The following PPP2R2A variants were observed in gnomAD, a reference collection of about 807,000 sequenced individuals.
PPP2R2A encodes serine/threonine-protein phosphatase 2A 55 kDa regulatory subunit B alpha isoform.
Under a neutral mutation model 53.2 loss-of-function variants are expected in PPP2R2A, and 9 were observed. The observed-to-expected ratio is 0.17, with a 90% CI of 0.10 to 0.30. The LOEUF (loss-of-function observed/expected upper bound fraction) is 0.30. PPP2R2A is among the 10% of genes least tolerant of loss of function. PPP2R2A has a pLI of 1.00. For missense variants in PPP2R2A, 235 were observed against 534.6 expected (o/e 0.44, Z 5.53); for synonymous variants, 169 against 174.2 (o/e 0.97, Z 0.23).
chr8:26,322,054 C>T (rs1802867518), intron 2 of PPP2R2A, among the ~76,000 whole-genome samples: 1 of 152,036 alleles, frequency 6.6e-6, no homozygotes, highest in South Asian at 2.1e-4. Flanking sequence ...AGAAGTTGAC[C>T]AGTATGAGCA....
chr8:26,311,847 C>T (rs1357107644), intron 2 of PPP2R2A, among the ~76,000 whole-genome samples: 1 of 151,876 alleles, frequency 6.6e-6, no homozygotes. Flanking sequence ...TGGGGTGCAC[C>T]TAGAACATGC....
chr8:26,329,096 A>G (rs1040697763), intron 2 of PPP2R2A, among the ~76,000 whole-genome samples: 5 of 152,142 alleles, frequency 3.3e-5, no homozygotes, highest in Non-Finnish European at 5.9e-5. Flanking sequence ...AGATTCCTAT[A>G]AAACTTTTTA....
chr8:26,319,391 T>C (rs1802720193), intron 2 of PPP2R2A, among the ~76,000 whole-genome samples: 1 of 152,164 alleles, frequency 6.6e-6, no homozygotes, highest in Non-Finnish European at 1.5e-5. Flanking sequence ...TCATACTGTT[T>C]TCCATAGTGG....
chr8:26,313,791 A>G (rs925784545), intron 2 of PPP2R2A, among the ~76,000 whole-genome samples: 9 of 152,226 alleles, frequency 5.9e-5, no homozygotes, highest in African/African-American at 2.2e-4. Flanking sequence ...AGGCAAGAAA[A>G]TGGATTCTCC....
chr8:26,363,114 G>A, intron 7 of PPP2R2A: 1 of 273,164 alleles, frequency 3.7e-6, no homozygotes, highest in Non-Finnish European at 6.9e-6. Context: ...GTTGGGCTCT[G>A]TAACCTTGTA....
Position 26,362,023 on chromosome 8 carries a change from A to ATTAATCTTAAAATTAGAT in PPP2R2A, c.638-658_638-657insATCTTAAAATTAGATTTA, listed in dbSNP as rs1051550188. Among the ~76,000 whole-genome samples the ATTAATCTTAAAATTAGAT allele has an allele frequency of 7.1e-6, 1 of 140,826 alleles. No homozygotes were observed. The highest frequency in any genetic ancestry group is 7.1e-5 in the Admixed American group (1 of 14,122). 92.4% of individuals were successfully genotyped at this position (140,826 alleles called of 152,430 possible). A position where few individuals can be genotyped will look rare whatever the true frequency, so the allele number is the denominator to read the frequency against. On this transcript the variant is annotated intron_variant, in intron 6 of 9. Coordinates refer to ENST00000380737, the MANE Select transcript of PPP2R2A (RefSeq NM_002717.4). This position sits in a 1 kb window ranked among gnomAD's most constrained non-coding sequence, Gnocchi z 4.4. The stretch of plus-strand genomic sequence containing the variant: ...TAATTGATATTAAGATTAGATTAAG[A>ATTAATCTTAAAATTAGAT]TTAGATTAAGATTAATCTTAAGATT...
At chr8:26,318,121 G>A (rs184564751) in intron 2 of PPP2R2A, among the ~76,000 whole-genome samples, 18 of 152,232 alleles carry the variant, frequency 1.2e-4, no homozygotes, top group African/African-American at 4.3e-4. Context: ...ATTACTAAAG[G>A]AGAAAGGGGG....
chr8:26,352,940 C>T (rs889517842), intron 3 of PPP2R2A, among the ~76,000 whole-genome samples: 2 of 152,096 alleles, frequency 1.3e-5, no homozygotes, highest in Non-Finnish European at 2.9e-5. Context: ...TCCCTCTACG[C>T]CCTAGTGTAC....
chr8:26,298,287 C>A (rs1293856445), intron 2 of PPP2R2A, among the ~76,000 whole-genome samples: 1 of 152,204 alleles, frequency 6.6e-6, no homozygotes, highest in Non-Finnish European at 1.5e-5. Flanking sequence ...CAGTCCCCTA[C>A]CTCCCCACTC....
chr8:26,354,646 A>G lies in PPP2R2A; in HGVS notation c.346+13A>G, dbSNP rs751015272. On this transcript the variant is annotated intron_variant, in intron 4 of 9. Transcript: ENST00000380737. This position sits in a 1 kb window ranked among gnomAD's most constrained non-coding sequence, Gnocchi z 4.6. ...TTGTCTACCAATGGTAAGTATACAT[A>G]TTTTCTTTCCATGTGCCCACTGTGT... 2 of 1,572,376 alleles carry G rather than the reference A, an allele frequency of 1.3e-6. No homozygotes were observed. The highest frequency in any genetic ancestry group is 2.4e-5 in the South Asian group (2 of 84,136).
chr8:26,307,560 C>G (rs919438353), intron 2 of PPP2R2A, among the ~76,000 whole-genome samples: 2 of 152,124 alleles, frequency 1.3e-5, no homozygotes, highest in African/African-American at 2.4e-5. Context: ...CCTTAAAATG[C>G]CAAAATGTCA....
intron 3 of PPP2R2A, among the ~76,000 whole-genome samples, chr8:26,345,734 A>C (rs1365505095): frequency 6.6e-6 from 1 of 152,230 alleles, no homozygotes; most frequent in Admixed American, 6.5e-5. Context: ...TTTCTAAAAA[A>C]AGAAAAGTAG....
intron 3 of PPP2R2A, among the ~76,000 whole-genome samples, chr8:26,348,267 T>C (rs1293583647): frequency 1.3e-5 from 2 of 152,162 alleles, no homozygotes; most frequent in Non-Finnish European, 2.9e-5. Flanking sequence ...GCAAAGTAAA[T>C]ATTTCCTACA....
rs761350371 is a variant in PPP2R2A, at chr8:26,362,883, A to G, written c.802+35A>G. 1.4e-5 allele frequency: 22 copies of G among 1,584,342 alleles called. No homozygotes were observed. Among genetic ancestry groups the G allele is most frequent in the Admixed American group, 1.7e-5 (1 of 58,968 alleles). ...TTGTATCTTTCCTTAAAATGATTAC[A>G]TATTCTGTTTGTCTGAAATAAGCCT... On this transcript the variant is annotated intron_variant, in intron 7 of 9. Coordinates refer to ENST00000380737, the MANE Select transcript of PPP2R2A (RefSeq NM_002717.4). This position sits in a 1 kb window ranked among gnomAD's most constrained non-coding sequence, Gnocchi z 4.4.
chr8:26,319,356 T>A (rs963622128), intron 2 of PPP2R2A, among the ~76,000 whole-genome samples: 4 of 152,220 alleles, frequency 2.6e-5, no homozygotes, highest in Non-Finnish European at 5.9e-5. Context: ...ATATAGTAAT[T>A]CTGTGTTTAA....
intron 3 of PPP2R2A, among the ~76,000 whole-genome samples, chr8:26,340,762 AGTAAT>A (rs1474938746): frequency 1.3e-5 from 2 of 151,988 alleles, no homozygotes; most frequent in Non-Finnish European, 2.9e-5. Context: ...ATATGGGTTT[AGTAAT>A]GTAGTCAGAA....
chr8:26,338,804 T>A lies in PPP2R2A; in HGVS notation c.83-86T>A, dbSNP rs1327833649. On this transcript the variant is annotated intron_variant, in intron 2 of 9. Coordinates refer to ENST00000380737, the MANE Select transcript of PPP2R2A (RefSeq NM_002717.4). The surrounding 1 kb of genome is among the most constrained non-coding windows in gnomAD (Gnocchi z 4.5). The stretch of plus-strand genomic sequence containing the variant: ...AAAGATATACTTCATAGACTTGGAA[T>A]GTTTGGGAAAACACGCTAAGTTCTG... The A allele has an allele frequency of 2.4e-6, 2 of 837,924 alleles. No individual in the cohort carries two copies. Among genetic ancestry groups the A allele is most frequent in the East Asian group, 2.6e-5 (1 of 38,800 alleles). 51.9% of individuals were successfully genotyped at this position (837,924 alleles called of 1,614,324 possible).
chr8:26,341,333 A>G (rs1412162693), intron 3 of PPP2R2A, among the ~76,000 whole-genome samples: 1 of 152,214 alleles, frequency 6.6e-6, no homozygotes, highest in Non-Finnish European at 1.5e-5. Context: ...GGTCATAAAT[A>G]TGTATACTTG....
At chr8:26,302,890 T>A (rs773139487) in intron 2 of PPP2R2A, among the ~76,000 whole-genome samples, 38 of 152,220 alleles carry the variant, frequency 2.5e-4, no homozygotes, top group African/African-American at 9.2e-4. Flanking sequence ...TATTTTACAA[T>A]GAAGAAATAT....
Sources: allele counts gnomAD v4.1 joint callset (sites outside exome capture counted in the v4.1 genomes callset), GRCh38; gene constraint gnomAD v4.1.1; non-coding constraint Gnocchi (gnomAD v3.1); transcripts MANE v1.5; gene names NCBI Gene and HGNC (gene_info 2026-07-23, HGNC 2026-07-21).